The following PCLO variants were observed in gnomAD, a reference collection of about 807,000 sequenced individuals.
The protein encoded by PCLO is protein piccolo.
In PCLO, 82 loss-of-function variants were observed where a neutral mutation model predicts 427.5. That is an observed-to-expected ratio of 0.19 (90% CI 0.16 to 0.23). PCLO has a LOEUF of 0.23. PCLO is among the 10% of genes least tolerant of loss of function. PCLO has a pLI of 1.00. For synonymous variants in PCLO, 2,357 were observed against 2,155.4 expected, an observed-to-expected ratio of 1.09 and a Z score of -2.59; for missense variants, 6,239 against 6,115.9, an observed-to-expected ratio of 1.02 and a Z score of -0.67.
At chr7:82,846,744 T>C (rs186807878) in intron 11 of PCLO, 110 bp from the exon 12 acceptor site, 49 of 661,154 alleles carry the variant, frequency 7.4e-5, no homozygotes, top group African/African-American at 1.3e-4. Flanking sequence ...AAGTGGTTAA[T>C]GATATAAAGC....
chr7:83,032,894 G>A (rs1179898861), intron 3 of PCLO, among the ~76,000 whole-genome samples: 9 of 152,054 alleles, frequency 5.9e-5, no homozygotes, highest in Non-Finnish European at 1.3e-4. Flanking sequence ...CACCCAAATC[G>A]CATCTCATCT....
chr7:82,961,848 T>C (rs1442842207), intron 4 of PCLO, among the ~76,000 whole-genome samples: 1 of 152,128 alleles, frequency 6.6e-6, no homozygotes, highest in Non-Finnish European at 1.5e-5. Context: ...TTACAATAGA[T>C]CACCTAGTTT....
At chr7:83,016,950 A>G (rs192108518) in intron 3 of PCLO, among the ~76,000 whole-genome samples, 1 of 152,248 alleles carries the variant, frequency 6.6e-6, no homozygotes, top group African/African-American at 2.4e-5. Flanking sequence ...CATGTCAAGA[A>G]TGATTAGCCT....
chr7:82,849,054 T>C (rs1025039431), intron 10 of PCLO: 31 of 176,370 alleles, frequency 1.8e-4, no homozygotes, highest in African/African-American at 6.8e-4. Flanking sequence ...AATAAACAGA[T>C]GATTTTGAAT....
At chr7:83,116,335 C>T (rs1791130998) in intron 3 of PCLO, among the ~76,000 whole-genome samples, 1 of 152,060 alleles carries the variant, frequency 6.6e-6, no homozygotes, top group African/African-American at 2.4e-5. Context: ...CATAATGCAG[C>T]AAGAAAATGT....
chr7:83,025,577 C>A (rs1291132512), intron 3 of PCLO, among the ~76,000 whole-genome samples: 4 of 152,058 alleles, frequency 2.6e-5, no homozygotes, highest in African/African-American at 7.2e-5. Flanking sequence ...AGGCAGGCCA[C>A]CGTTCAGATT....
intron 3 of PCLO, among the ~76,000 whole-genome samples, chr7:83,101,001 A>T (rs1790723326): frequency 6.6e-6 from 1 of 152,056 alleles, no homozygotes; most frequent in African/African-American, 2.4e-5. Context: ...TTTGAACATA[A>T]AATACTTAGC....
At chr7:83,144,191 CG>C (rs1776292456) in intron 2 of PCLO, among the ~76,000 whole-genome samples, 2 of 152,030 alleles carry the variant, frequency 1.3e-5, no homozygotes, top group Non-Finnish European at 2.9e-5. Context: ...GGAGGCTAAG[CG>C]GGGCAGATCA....
chr7:83,093,631 T>A (rs1469925144), intron 3 of PCLO, among the ~76,000 whole-genome samples: 2 of 149,062 alleles, frequency 1.3e-5, no homozygotes, highest in Admixed American at 6.7e-5. Context: ...TAGCTGGGAC[T>A]ACAGGCGCCC....
rs56409753 is a variant in PCLO at position 83,097,521 on chromosome 7, C to CA, written c.3300+36728dup. Among the ~76,000 whole-genome samples the CA allele has an allele frequency of 2.0e-3, 288 of 145,002 alleles. 1 individual carries two copies. The highest frequency in any genetic ancestry group is 6.2e-3 in the African/African-American group (247 of 39,736). On this transcript the variant is annotated intron_variant, in intron 3 of 24. Coordinates refer to ENST00000333891, the MANE Select transcript of PCLO (RefSeq NM_033026.6). ...TGGGTGACAGAGCAAGACCCAGTCT[C>CA]AAAAATATATATATATATATAATAT...
intron 22 of PCLO, among the ~76,000 whole-genome samples, chr7:82,790,214 T>A (rs911233347): frequency 5.9e-5 from 9 of 152,068 alleles, no homozygotes; most frequent in Admixed American, 4.6e-4. Context: ...GAACCCCAAA[T>A]CTGTGTAATT....
chr7:82,850,013 T>C (rs79943197), intron 10 of PCLO, among the ~76,000 whole-genome samples: 33 of 58,280 alleles, frequency 5.7e-4, no homozygotes, highest in African/African-American at 1.3e-3. Flanking sequence ...ATTATTATTA[T>C]TTATTTATTT....
chr7:82,821,030 A>G (rs1791777784), intron 20 of PCLO: 3 of 1,200,244 alleles, frequency 2.5e-6, no homozygotes, highest in Non-Finnish European at 3.1e-6. Flanking sequence ...ATTTTATCAG[A>G]CAATCTCTAA....
intron 3 of PCLO, among the ~76,000 whole-genome samples, chr7:83,090,951 A>C (rs1172780336): frequency 2.6e-5 from 4 of 152,152 alleles, no homozygotes; most frequent in Non-Finnish European, 4.4e-5. Context: ...ATAAATTTAT[A>C]TACAGTGTAC....
At chr7:82,770,055 AT>A (rs1279458293) in intron 22 of PCLO, among the ~76,000 whole-genome samples, 1 of 152,096 alleles carries the variant, frequency 6.6e-6, no homozygotes, top group East Asian at 1.9e-4. Flanking sequence ...CAAAGTAGTG[AT>A]GTATATTCCC....
At chr7:82,892,808 A>C (rs1249917910) in intron 9 of PCLO, among the ~76,000 whole-genome samples, 5 of 152,088 alleles carry the variant, frequency 3.3e-5, no homozygotes, top group African/African-American at 1.2e-4. Context: ...ATGCAGACAA[A>C]AGACACATGA....
At chr7:83,059,329 AATAT>A (rs1216590383) in intron 3 of PCLO, among the ~76,000 whole-genome samples, 2 of 137,318 alleles carry the variant, frequency 1.5e-5, no homozygotes, top group African/African-American at 2.6e-5. Context: ...TATTATATAT[AATAT>A]ATATTTTATA....
intron 14 of PCLO, among the ~76,000 whole-genome samples, chr7:82,839,386 AT>A (rs985919973): frequency 6.6e-5 from 10 of 152,156 alleles, no homozygotes; most frequent in African/African-American, 2.4e-4. Context: ...TACATATTCA[AT>A]TGCTTATCTC....
chr7:83,006,617 T>C (rs1052075954), intron 3 of PCLO, among the ~76,000 whole-genome samples: 7 of 151,498 alleles, frequency 4.6e-5, no homozygotes, highest in Admixed American at 1.3e-4. Context: ...TTATTCAACA[T>C]GCTGAGTATA....
Sources: allele counts gnomAD v4.1 joint callset (sites outside exome capture counted in the v4.1 genomes callset), GRCh38; gene constraint gnomAD v4.1.1; transcripts MANE v1.5; gene names NCBI Gene and HGNC (gene_info 2026-07-23, HGNC 2026-07-21).